COMMD10: variants seen among roughly 807,000 people sequenced by gnomAD.
COMMD10 encodes the protein COMM domain containing 10, also known as COMM domain-containing protein 10.
COMMD10 carries 33 observed loss-of-function variants against 28.9 expected under a neutral mutation model. That is an observed-to-expected ratio of 1.14 (90% CI 0.87 to 1.53). The LOEUF (loss-of-function observed/expected upper bound fraction) is 1.53, where lower values mean the gene tolerates loss of function less well. Ranked by LOEUF, COMMD10 falls within the 40% of genes most tolerant of loss-of-function variation. COMMD10 has a pLI of 0.00. For missense variants in COMMD10, 310 were observed against 233.4 expected (o/e 1.33, Z -2.14); for synonymous variants, 110 against 81.7 (o/e 1.35, Z -1.87).
chr5:116,288,355 T>C (rs1420440041), intron 5 of COMMD10, among the ~76,000 whole-genome samples: 1 of 151,926 alleles, frequency 6.6e-6, no homozygotes, highest in Admixed American at 6.6e-5. Flanking sequence ...AAATCACTTT[T>C]CTCTTGCTGC....
chr5:116,208,956 G>C (rs4351192), intron 5 of COMMD10, among the ~76,000 whole-genome samples: 90,120 of 152,014 alleles, frequency 0.59, 30,880 homozygotes, highest in South Asian at 0.77. Flanking sequence ...AAAATCTTTT[G>C]TTGTGAATGG....
rs574561958 is a variant in COMMD10, at chr5:116,122,594, T to C, written c.400-11474T>C. Among the ~76,000 whole-genome samples the C allele has an allele frequency of 6.0e-3, 909 of 151,492 alleles. 4 individuals are homozygous for C. The highest frequency in any genetic ancestry group is 7.4e-3 in the African/African-American group (303 of 40,850). ...GGCAGTATGGCCATTTTCATGATAT[T>C]GATTTTTCCTATCCATGAGCATGGA... On this transcript the variant is annotated intron_variant, in intron 4 of 6. Transcript: ENST00000274458.
chr5:116,286,567 T>C (rs1349250890), intron 5 of COMMD10, among the ~76,000 whole-genome samples: 1 of 151,772 alleles, frequency 6.6e-6, no homozygotes, highest in African/African-American at 2.4e-5. Flanking sequence ...GTTTTCACTT[T>C]CATTTGTCTT....
At chr5:116,198,120 A>C (rs1748577580) in intron 5 of COMMD10, among the ~76,000 whole-genome samples, 1 of 152,158 alleles carries the variant, frequency 6.6e-6, no homozygotes, top group African/African-American at 2.4e-5. Flanking sequence ...TATACTCAGG[A>C]ATGTACATTG....
At chr5:116,248,230 G>C (rs1356656977) in intron 5 of COMMD10, among the ~76,000 whole-genome samples, 1 of 151,804 alleles carries the variant, frequency 6.6e-6, no homozygotes, top group Admixed American at 6.6e-5. Context: ...CTATGACCTT[G>C]AATTTCTCTT....
intron 5 of COMMD10, among the ~76,000 whole-genome samples, chr5:116,212,443 C>A (rs1388764442): frequency 2.1e-5 from 3 of 145,788 alleles, no homozygotes; most frequent in Non-Finnish European, 4.5e-5. Context: ...AGCAGGCCTG[C>A]AAGGGGAATG....
At chr5:116,142,296 A>G (rs181514037) in intron 5 of COMMD10, among the ~76,000 whole-genome samples, 25 of 151,936 alleles carry the variant, frequency 1.6e-4, no homozygotes, top group Admixed American at 1.3e-3. Context: ...GGATTTCTTA[A>G]TAATTCTTAC....
chr5:116,207,918 C>G (rs944115434), intron 5 of COMMD10, among the ~76,000 whole-genome samples: 1 of 152,128 alleles, frequency 6.6e-6, no homozygotes, highest in Non-Finnish European at 1.5e-5. Context: ...ATGGGTAGGA[C>G]ATTGTGTTAA....
intron 5 of COMMD10, among the ~76,000 whole-genome samples, chr5:116,222,810 G>A (rs547882078): frequency 6.6e-6 from 1 of 152,088 alleles, no homozygotes; most frequent in East Asian, 1.9e-4. Context: ...TCCTGCCTCA[G>A]CCTCCCAAGT....
intron 5 of COMMD10, among the ~76,000 whole-genome samples, chr5:116,223,349 A>G (rs965183467): frequency 1.3e-4 from 17 of 131,802 alleles, no homozygotes; most frequent in African/African-American, 6.2e-4. Flanking sequence ...TTACAATGTA[A>G]TATGTGGAAC....
At chr5:116,268,756 A>G (rs1235049315) in intron 5 of COMMD10, among the ~76,000 whole-genome samples, 2 of 151,948 alleles carry the variant, frequency 1.3e-5, no homozygotes, top group Non-Finnish European at 2.9e-5. Flanking sequence ...ACCATGGAAT[A>G]CTGTGCAGCC....
intron 5 of COMMD10, among the ~76,000 whole-genome samples, chr5:116,263,232 T>C (rs1276060802): frequency 6.6e-6 from 1 of 151,800 alleles, no homozygotes; most frequent in East Asian, 1.9e-4. Context: ...AGCTGAGGAC[T>C]AAGCTCTCAT....
chr5:116,104,010 G>A (rs1453648433), intron 4 of COMMD10, among the ~76,000 whole-genome samples: 5 of 152,108 alleles, frequency 3.3e-5, no homozygotes. Flanking sequence ...TGGTCTATAT[G>A]TCTGTATGGT....
At chr5:116,247,638 A>T (rs1207552828) in intron 5 of COMMD10, among the ~76,000 whole-genome samples, 4 of 152,146 alleles carry the variant, frequency 2.6e-5, no homozygotes, top group Non-Finnish European at 4.4e-5. Context: ...GCCATAAAAA[A>T]GAACGAGATC....
intron 5 of COMMD10, among the ~76,000 whole-genome samples, chr5:116,206,129 T>C (rs1458990418): frequency 6.6e-6 from 1 of 152,322 alleles, no homozygotes; most frequent in East Asian, 1.9e-4. Flanking sequence ...CCCAAGGAGC[T>C]TCATATTTAG....
At chr5:116,172,689 GC>G (rs1215192486) in intron 5 of COMMD10, among the ~76,000 whole-genome samples, 1 of 152,134 alleles carries the variant, frequency 6.6e-6, no homozygotes, top group Non-Finnish European at 1.5e-5. Context: ...TAGAGCAACA[GC>G]CCTGAACCAG....
At chr5:116,098,504 C>T (rs1362646935) in intron 4 of COMMD10, among the ~76,000 whole-genome samples, 1 of 152,078 alleles carries the variant, frequency 6.6e-6, no homozygotes. Flanking sequence ...CTTGAATTTG[C>T]CATGTGCTGA....
chr5:116,164,797 G>T (rs1753039437), intron 5 of COMMD10, among the ~76,000 whole-genome samples: 1 of 152,122 alleles, frequency 6.6e-6, no homozygotes, highest in African/African-American at 2.4e-5. Context: ...TGTTCTTAGG[G>T]GGGTTGTGTT....
chr5:116,100,629 C>G (rs1207747825), intron 4 of COMMD10, among the ~76,000 whole-genome samples: 2 of 149,756 alleles, frequency 1.3e-5, no homozygotes, highest in Non-Finnish European at 3.0e-5. Context: ...TTGAAAGACA[C>G]TTCTTTTTAT....
Sources: gnomAD v4.1 joint callset for allele counts (sites outside exome capture counted in the v4.1 genomes callset) on GRCh38, gnomAD v4.1.1 for gene constraint, MANE v1.5 for transcripts, NCBI Gene and HGNC (gene_info 2026-07-23, HGNC 2026-07-21) for gene names.